Variants in TCF20 observed in about 807,000 individuals in gnomAD.
The protein encoded by TCF20 is transcription factor 20.
In TCF20, 3 loss-of-function variants were observed where a neutral mutation model predicts 148.6. That is an observed-to-expected ratio of 0.02 (90% CI 0.01 to 0.05). TCF20 has a LOEUF of 0.05. TCF20 is among the 10% of genes least tolerant of loss of function. The pLI is 1.00. For missense variants in TCF20, 2,350 were observed against 2,429.3 expected, an observed-to-expected ratio of 0.97 and a Z score of 0.69; for synonymous variants, 1,049 against 909.5, an observed-to-expected ratio of 1.15 and a Z score of -2.76.
intron 1 of TCF20, among the ~76,000 whole-genome samples, chr22:42,232,570 G>A (rs771034861): frequency 6.6e-5 from 10 of 152,102 alleles, no homozygotes; most frequent in South Asian, 2.1e-4. Context: ...GCTCACGCCC[G>A]TAATCCCAGC....
intron 1 of TCF20, among the ~76,000 whole-genome samples, chr22:42,225,550 C>T (rs1275321491): frequency 6.8e-6 from 1 of 146,788 alleles, no homozygotes; most frequent in Non-Finnish European, 1.5e-5. Flanking sequence ...GGAGGCGGAG[C>T]TTGCAGTGAG....
rs1927149638 is a variant in TCF20 at position 42,292,441 on chromosome 22, G to A, written c.-37+51038C>T. Among the ~76,000 whole-genome samples the A allele has an allele frequency of 6.6e-6, 1 of 152,166 alleles. No homozygotes were observed. Among genetic ancestry groups the A allele is most frequent in the African/African-American group, 2.4e-5 (1 of 41,432 alleles). On this transcript the variant is annotated intron_variant, in intron 1 of 1. Coordinates refer to the TCF20 transcript ENST00000515426. This position sits in a 1 kb window ranked among gnomAD's most constrained non-coding sequence, Gnocchi z 4.9. Reference sequence around the variant, plus strand: ...GCCCTGGACTCACTTGACAGATGAGGAATCCGAGGCAGAGCTGGGACTCAG... The same window carrying A: ...GCCCTGGACTCACTTGACAGATGAGAAATCCGAGGCAGAGCTGGGACTCAG...
intron 1 of TCF20, among the ~76,000 whole-genome samples, chr22:42,221,081 C>T (rs994545483): frequency 4.6e-5 from 7 of 152,300 alleles, no homozygotes; most frequent in East Asian, 1.9e-4. Context: ...TGAGAACTTC[C>T]GTTCCAGAAC....
Position 42,161,247 on chromosome 22 carries a change from T to C in TCF20, c.*156A>G. The C allele has an allele frequency of 7.5e-7, 1 of 1,341,058 alleles. No individual in the cohort carries two copies. The highest frequency in any genetic ancestry group is 9.9e-7 in the Non-Finnish European group (1 of 1,006,872). The allele number at this position is 1,341,058 out of a possible 1,614,324, so 83.1% of individuals were successfully genotyped here. On this transcript the variant is annotated 3_prime_UTR_variant, in exon 6 of 6. Transcript: ENST00000677622. ...GTGAGAACTTAAGGAAGTGCTGGCATGGGCAGGCACGCGGGCGGGGCGGGG... is the reference window on the plus strand; with the variant it reads ...GTGAGAACTTAAGGAAGTGCTGGCACGGGCAGGCACGCGGGCGGGGCGGGG...
chr22:42,304,534 GTGCAC>G (rs1459949579), intron 1 of TCF20, among the ~76,000 whole-genome samples: 1 of 152,182 alleles, frequency 6.6e-6, no homozygotes, highest in Admixed American at 6.5e-5. Context: ...TGCTGCGTCC[GTGCAC>G]TGCCGCGCAG....
In TCF20 at chr22:42,184,405, T is replaced by C. The variant is rs189921768; in HGVS notation, c.5656-4703A>G. Among the ~76,000 whole-genome samples the C allele has an allele frequency of 7.2e-5, 11 of 152,304 alleles. No homozygotes were observed. The East Asian group carries it at 2.1e-3, about 29-fold the overall frequency. On this transcript the variant is annotated intron_variant, in intron 2 of 5. Coordinates refer to ENST00000677622, the MANE Select transcript of TCF20 (RefSeq NM_001378418.1). Reference sequence around the variant, plus strand: ...TAGGTGCCAGGTGCCAAAGATAGAATATAAATACTTATCTATAGTATCTTC... The same window carrying C: ...TAGGTGCCAGGTGCCAAAGATAGAACATAAATACTTATCTATAGTATCTTC...
In TCF20 at chr22:42,214,194, G is replaced by A; in HGVS notation, c.1112C>T (p.Ser371Phe). 6.2e-7 allele frequency: 1 copy of A among 1,614,218 alleles called. No individual in the cohort carries two copies. The highest frequency in any genetic ancestry group is 8.5e-7 in the Non-Finnish European group (1 of 1,180,040). ...AGACTGAACCACAGAGGCAGCTGGA[G>A]AAGGGTTAGAAATGGGGCTGAAGTT... ...HQNFSPISNP[S>F]PAASVVQSPS... Residue 371 changes from serine (S) to phenylalanine (F), a missense_variant, in exon 2 of 6, where the codon TCT (serine) becomes TTT (phenylalanine). By Grantham distance (155) the Ser-to-Phe change is radical. Transcript: ENST00000677622.
At chr22:42,313,594 TTTC>T (rs1228140780) in intron 1 of TCF20, among the ~76,000 whole-genome samples, 6 of 121,670 alleles carry the variant, frequency 4.9e-5, no homozygotes, top group African/African-American at 1.1e-4. Flanking sequence ...AACAGAATTC[TTTC>T]TTTTTTTTTT....
At chr22:42,335,367 G>A (rs946299915) in intron 1 of TCF20, among the ~76,000 whole-genome samples, 31 of 151,982 alleles carry the variant, frequency 2.0e-4, no homozygotes, top group African/African-American at 6.3e-4. Flanking sequence ...CCCACAGGCC[G>A]GCACCAGCCA....
rs566154081 is a variant in TCF20, at chr22:42,261,595, A to G, written c.-37+8744T>C. 3.3e-5 allele frequency among the ~76,000 whole-genome samples: 5 copies of G among 150,796 alleles called. No homozygotes were observed. The East Asian group carries it at 9.6e-4, about 29-fold the overall frequency. ...ACCTTTGTGGATGCACTCAGGATACATTCCTCCTTGCCCCATCCCCTTTGC... is the reference window on the plus strand; with the variant it reads ...ACCTTTGTGGATGCACTCAGGATACGTTCCTCCTTGCCCCATCCCCTTTGC... On this transcript the variant is annotated intron_variant, in intron 1 of 5. Transcript: ENST00000677622.
In TCF20 at chr22:42,212,398, C is replaced by T; in HGVS notation, c.2908G>A (p.Ala970Thr). The T allele has an allele frequency of 6.2e-7, 1 of 1,614,260 alleles. No homozygotes were observed. Among genetic ancestry groups the T allele is most frequent in the Middle Eastern group, 1.7e-4 (1 of 6,060 alleles). The change falls in exon 2 of 6, where the codon GCA (alanine) becomes ACA (threonine). Residue 970 changes from alanine to threonine, a missense_variant. This residue lies in a region of TCF20 where 1,641 missense variants were observed against 1,662.6 expected (regional missense o/e 0.99). Transcript: ENST00000677622. ...SYRGNASPGA[A>T]THDSLSDYGP... The stretch of plus-strand genomic sequence containing the variant: ...TAGTCTGAAAGGGAATCATGGGTTG[C>T]TGCTCCAGGGCTGGCATTGCCGCGG...
At chr22:42,162,865 A>C (rs1033835635) in intron 5 of TCF20, among the ~76,000 whole-genome samples, 1 of 152,206 alleles carries the variant, frequency 6.6e-6, no homozygotes, top group African/African-American at 2.4e-5. Flanking sequence ...TTGCCCAAGG[A>C]GGTTCCTGAC....
intron 1 of TCF20, among the ~76,000 whole-genome samples, chr22:42,337,095 T>C (rs1261532236): frequency 6.6e-6 from 1 of 152,182 alleles, no homozygotes; most frequent in Admixed American, 6.5e-5. Context: ...AGTCCTGGTC[T>C]CCATGGCGCA....
intron 1 of TCF20, among the ~76,000 whole-genome samples, chr22:42,289,760 C>T (rs1927099065): frequency 6.6e-6 from 1 of 152,220 alleles, no homozygotes; most frequent in African/African-American, 2.4e-5. Context: ...ATGATCTGCC[C>T]ACCTGAGGCC....
chr22:42,255,978 A>G (rs1925719780), intron 1 of TCF20, among the ~76,000 whole-genome samples: 1 of 152,138 alleles, frequency 6.6e-6, no homozygotes, highest in South Asian at 2.1e-4. Flanking sequence ...GGTTTGATTG[A>G]TAATATGCTA....
At chr22:42,171,452 C>T (rs1052179587) in intron 3 of TCF20, among the ~76,000 whole-genome samples, 2 of 152,094 alleles carry the variant, frequency 1.3e-5, no homozygotes, top group Non-Finnish European at 2.9e-5. Flanking sequence ...CAAAAAGACC[C>T]TTTTATATTT....
At chr22:42,337,091 G>C (rs998111502) in intron 1 of TCF20, among the ~76,000 whole-genome samples, 1 of 152,160 alleles carries the variant, frequency 6.6e-6, no homozygotes, top group African/African-American at 2.4e-5. Context: ...ATGGAGTCCT[G>C]GTCTCCATGG....
chr22:42,290,621 G>A lies in TCF20; in HGVS notation c.-37+52858C>T, dbSNP rs988158068. The stretch of plus-strand genomic sequence containing the variant: ...GGGAAAGGCTTCTGGTTTCTGGAGG[G>A]TACCAGAGGAGAAGGAGCGCGTGCC... On this transcript the variant is annotated intron_variant, in intron 1 of 1. Transcript: ENST00000515426. This position sits in a 1 kb window ranked among gnomAD's most constrained non-coding sequence, Gnocchi z 4.2. 4.6e-5 allele frequency among the ~76,000 whole-genome samples: 7 copies of A among 152,138 alleles called. No individual in the cohort carries two copies. Among genetic ancestry groups the A allele is most frequent in the African/African-American group, 9.7e-5 (4 of 41,426 alleles).
chr22:42,296,120 G>A (rs756006964), intron 1 of TCF20, among the ~76,000 whole-genome samples: 6 of 152,232 alleles, frequency 3.9e-5, no homozygotes, highest in Non-Finnish European at 8.8e-5. Flanking sequence ...GAGTGAAGAT[G>A]TGTCAGGACT....
Sources: allele counts gnomAD v4.1 joint callset (sites outside exome capture counted in the v4.1 genomes callset), GRCh38; gene constraint gnomAD v4.1.1; regional missense constraint gnomAD v4.1.1; non-coding constraint Gnocchi (gnomAD v3.1); transcripts MANE v1.5; gene names NCBI Gene and HGNC (gene_info 2026-07-23, HGNC 2026-07-21).